EVC: variants seen among roughly 807,000 people sequenced by gnomAD.
EVC encodes the protein EvC ciliary complex subunit 1.
EVC carries 116 observed loss-of-function variants against 118.9 expected under a neutral mutation model. The ratio of observed to expected loss-of-function variants is 0.98; its 90% CI spans 0.84 to 1.14. The LOEUF is 1.14. EVC is among the 50% of genes most tolerant of loss of function. The pLI is 0.00. For synonymous variants in EVC, 619 were observed against 534.7 expected, an observed-to-expected ratio of 1.16 and a Z score of -2.18; for missense variants, 1,401 against 1,246.4, an observed-to-expected ratio of 1.12 and a Z score of -1.87.
At chr4:5,723,352 G>A (rs1311971169) in intron 2 of EVC, among the ~76,000 whole-genome samples, 2 of 151,986 alleles carry the variant, frequency 1.3e-5, no homozygotes, top group Non-Finnish European at 2.9e-5. Context: ...ACCACACCCA[G>A]CTAATTTGTG....
At chr4:5,760,245 G>A (rs1213318902) in intron 11 of EVC, among the ~76,000 whole-genome samples, 3 of 152,026 alleles carry the variant, frequency 2.0e-5, no homozygotes, top group African/African-American at 2.4e-5. Context: ...AGCCCCAGCG[G>A]GTGCTGGTAA....
chr4:5,808,972 C>T (rs1033378290), intron 18 of EVC, among the ~76,000 whole-genome samples: 1 of 152,046 alleles, frequency 6.6e-6, no homozygotes, highest in Admixed American at 6.6e-5. Flanking sequence ...CAGTGGTGGC[C>T]GATAGGTACT....
chr4:5,767,483 G>T (rs1465175116), intron 11 of EVC, among the ~76,000 whole-genome samples: 1 of 150,822 alleles, frequency 6.6e-6, no homozygotes, highest in Admixed American at 6.6e-5. Flanking sequence ...GCAATGGCGG[G>T]CGCCTCTCCC....
In EVC at chr4:5,752,849, G is replaced by C. The variant is rs1456808638; in HGVS notation, c.1112G>C (p.Arg371Thr). The C allele has an allele frequency of 3.1e-6, 5 of 1,614,108 alleles. No individual in the cohort carries two copies. The South Asian group carries it at 5.5e-5, about 18-fold the overall frequency. The stretch of plus-strand genomic sequence containing the variant: ...TTCTTTTTGCAGGACGCCCTGGAGA[G>C]GACGATGGGGCGGGCGCACATGGCA... ...QELQALDALERTMGRAHMAKV... is the reference protein window; with the variant it reads ...QELQALDALETTMGRAHMAKV... The change falls in exon 9 of 21, where the codon AGG becomes ACG. Residue 371 changes from arginine to threonine, a missense_variant. Coordinates refer to ENST00000264956, the MANE Select transcript of EVC (RefSeq NM_153717.3).
At chr4:5,713,782 A>C (rs1723470625) in intron 1 of EVC, among the ~76,000 whole-genome samples, 1 of 152,012 alleles carries the variant, frequency 6.6e-6, no homozygotes, top group Non-Finnish European at 1.5e-5. Context: ...GCATGCCTGT[A>C]ATCCCAGCTA....
chr4:5,713,944 G>T (rs1469958253), intron 1 of EVC, among the ~76,000 whole-genome samples: 2 of 152,138 alleles, frequency 1.3e-5, no homozygotes, highest in Non-Finnish European at 2.9e-5. Flanking sequence ...CAGTTTTCTA[G>T]CATGGTGCAT....
At chr4:5,759,639 G>A (rs11939527) in intron 11 of EVC, among the ~76,000 whole-genome samples, 40,500 of 152,078 alleles carry the variant, frequency 0.27, 5,608 homozygotes, top group East Asian at 0.5. Flanking sequence ...GGAAATTGAG[G>A]TACAGGTTAG....
intron 14 of EVC, 62 bp downstream of exon 14, chr4:5,797,294 G>C (rs1714150376): frequency 1.4e-6 from 2 of 1,390,114 alleles, no homozygotes; most frequent in Non-Finnish European, 2.0e-6. Context: ...GCAGGCCCCA[G>C]CTTCCAGCAG....
Position 5,804,775 on chromosome 4 carries a change from G to A in EVC, c.2495G>A (p.Ser832Asn), listed in dbSNP as rs1715592568. The change falls in exon 17 of 21, where the codon AGC (serine) becomes AAC (asparagine). Residue 832 changes from serine (S) to asparagine (N), a missense_variant. Physicochemically the swap from Ser to Asn is conservative, Grantham distance 46. Coordinates refer to ENST00000264956, the MANE Select transcript of EVC (RefSeq NM_153717.3). The part of the protein sequence containing the change: ...NYKLRKKQEL[S>N]NPSSGSRTAG... ...AAACTGCGGAAAAAGCAAGAACTCA[G>A]CAACCCTTCGTCGGGCAGCAGGACG... 1 of 1,614,176 alleles carries A rather than the reference G, an allele frequency of 6.2e-7. No homozygotes were observed.
At chr4:5,751,383 C>T (rs1052766828) in intron 8 of EVC, among the ~76,000 whole-genome samples, 1 of 152,202 alleles carries the variant, frequency 6.6e-6, no homozygotes, top group African/African-American at 2.4e-5. Context: ...ACCACCACTG[C>T]CGAATCCAGC....
chr4:5,815,874 AG>A (rs915488242), downstream of EVC, among the ~76,000 whole-genome samples: 1 of 152,138 alleles, frequency 6.6e-6, no homozygotes. Flanking sequence ...GAAGGAAGGG[AG>A]GGAGGCCTGG....
At chr4:5,748,565 TATCCATCC>T (rs202244004) in intron 8 of EVC, among the ~76,000 whole-genome samples, 1 of 90,620 alleles carries the variant, frequency 1.1e-5, no homozygotes, top group Non-Finnish European at 2.2e-5. Context: ...CCCACCCATT[TATCCATCC>T]ATCCATCCAC....
Position 5,783,710 on chromosome 4 carries a change from C to T in EVC, c.1722C>T (p.Arg574=), listed in dbSNP as rs144637923. ...CCTGGCAGCTGGGGAAGTCAAATCG[C>T]TTCCGGAGGCAGCAGTGGAAACTCT... The part of the protein sequence containing the change: ...NAAWQLGKSN[R]FRRQQWKLFQ... Residue 574 remains arginine, a synonymous_variant, in exon 12 of 21, where the codon CGC becomes CGT. Transcript: ENST00000264956. The T allele has an allele frequency of 6.2e-6, 10 of 1,614,006 alleles. No individual in the cohort carries two copies. The African/African-American group carries it at 1.1e-4, about 17-fold the overall frequency.
At chr4:5,765,424 T>A (rs1247418783) in intron 11 of EVC, among the ~76,000 whole-genome samples, 3 of 113,714 alleles carry the variant, frequency 2.6e-5, no homozygotes, top group Non-Finnish European at 3.8e-5. Flanking sequence ...TAGGTCTGCT[T>A]GGTGCAGAGC....
chr4:5,747,965 T>C (rs1048571827), intron 7 of EVC, 183 bp from the exon 8 acceptor site: 2 of 692,856 alleles, frequency 2.9e-6, no homozygotes, highest in Non-Finnish European at 5.0e-6. Context: ...AACCAGACAA[T>C]GGAACCAGAA....
chr4:5,777,100 A>G (rs1262266234), intron 11 of EVC, among the ~76,000 whole-genome samples: 1 of 152,084 alleles, frequency 6.6e-6, no homozygotes, highest in African/African-American at 2.4e-5. Flanking sequence ...TTTGTGTACT[A>G]TATTTCAAAT....
Position 5,754,259 on chromosome 4 carries a change from C to G in EVC, c.1464+326C>G, listed in dbSNP as rs560155008. 6.6e-6 allele frequency among the ~76,000 whole-genome samples: 1 copy of G among 152,240 alleles called. No individual in the cohort carries two copies. Among genetic ancestry groups the G allele is most frequent in the East Asian group, 1.9e-4 (1 of 5,166 alleles). ...ATGGCGTGAAGGGAGCAATGTGTGGCCCAGAGGGGACAAGCATGTCCCGGA... is the reference window on the plus strand; with the variant it reads ...ATGGCGTGAAGGGAGCAATGTGTGGGCCAGAGGGGACAAGCATGTCCCGGA... On this transcript the variant is annotated intron_variant, in intron 10 of 20. Transcript: ENST00000264956. The surrounding 1 kb of genome is among the most constrained non-coding windows in gnomAD (Gnocchi z 5.8).
chr4:5,745,449 C>T, intron 7 of EVC, 108 bp downstream of exon 7: 2 of 1,207,664 alleles, frequency 1.7e-6, no homozygotes, highest in Admixed American at 1.8e-5. Flanking sequence ...CTTGAATTCC[C>T]CTATCGCATT....
the EVC span, chr4:5,828,388 G>A: frequency 1.2e-4 from 181 of 1,474,002 alleles, no homozygotes; most frequent in African/African-American, 1.9e-3. Context: ...TTCCCAGGGC[G>A]ATGACATTAT....
Sources: gnomAD v4.1 joint callset for allele counts (sites outside exome capture counted in the v4.1 genomes callset) on GRCh38, gnomAD v4.1.1 for gene constraint, Gnocchi (gnomAD v3.1) non-coding constraint, MANE v1.5 for transcripts, NCBI Gene and HGNC (gene_info 2026-07-23, HGNC 2026-07-21) for gene names.